The following TXNRD1 variants were observed in gnomAD, a reference collection of about 807,000 sequenced individuals.
TXNRD1 encodes thioredoxin reductase 1, cytoplasmic.
A neutral mutation model predicts 80.3 loss-of-function variants in TXNRD1; 57 were observed. The observed-to-expected ratio is 0.71, with a 90% confidence interval of 0.57 to 0.89. The LOEUF (loss-of-function observed/expected upper bound fraction) is 0.89, where lower values mean the gene tolerates loss of function less well. TXNRD1 is among the 40% of genes least tolerant of loss of function. The probability of loss-of-function intolerance (pLI) is 0.00; values close to 1 mark genes in which losing one functional copy is unlikely to be tolerated. For synonymous variants in TXNRD1, 291 were observed against 285.2 expected, an observed-to-expected ratio of 1.02 and a Z score of -0.20; for missense variants, 730 against 803.0, an observed-to-expected ratio of 0.91 and a Z score of 1.10.
At chr12:104,322,739 T>C (rs1209044861) in intron 10 of TXNRD1, among the ~76,000 whole-genome samples, 1 of 152,176 alleles carries the variant, frequency 6.6e-6, no homozygotes, top group African/African-American at 2.4e-5. Flanking sequence ...CTATGATTCA[T>C]AAACAACAGT....
At position 104,331,592 on chromosome 12, in the gene TXNRD1, GC is replaced by G; in HGVS notation, c.1603del (p.Leu535PhefsTer41). The stretch of plus-strand genomic sequence containing the variant: ...ACTCCTTTGGAATATGGTGCTTGTG[GC>G]CTTTCTGAGGAGAAAGCTGTGGAGA... ...VFTPLEYGAC[G>X]LSEEKAVEKF... On this transcript the variant is annotated frameshift_variant, in exon 14 of 17. Transcript: ENST00000525566. LOFTEE classifies it high-confidence loss of function. 1.2e-6 allele frequency: 2 copies of G among 1,612,402 alleles called. No individual in the cohort carries two copies. The highest frequency in any genetic ancestry group is 1.7e-6 in the Non-Finnish European group (2 of 1,179,104).
At chr12:104,279,266 A>T (rs2033826680) in intron 3 of TXNRD1, among the ~76,000 whole-genome samples, 1 of 152,226 alleles carries the variant, frequency 6.6e-6, no homozygotes, top group African/African-American at 2.4e-5. Flanking sequence ...AAATACTCAT[A>T]AAAGTATGAT....
chr12:104,268,791 A>T (rs1164362141), intron 3 of TXNRD1, among the ~76,000 whole-genome samples: 1 of 151,822 alleles, frequency 6.6e-6, no homozygotes, highest in Non-Finnish European at 1.5e-5. Context: ...TGATGGGATT[A>T]CAGTCGTGAG....
At chr12:104,331,916 A>G (rs2035966396) in intron 14 of TXNRD1, among the ~76,000 whole-genome samples, 1 of 151,832 alleles carries the variant, frequency 6.6e-6, no homozygotes, top group Admixed American at 6.6e-5. Context: ...GAACGAGGGC[A>G]TTTTCTTATA....
chr12:104,346,011 C>T (rs1431468854), intron 16 of TXNRD1: 1 of 1,286,992 alleles, frequency 7.8e-7, no homozygotes, highest in African/African-American at 1.5e-5. Context: ...GTCAATTGAC[C>T]CAAGCAGTTT....
Position 104,312,644 on chromosome 12 carries a change from G to T in TXNRD1, c.538-601G>T, listed in dbSNP as rs181565669. Among the ~76,000 whole-genome samples, 139 of 152,242 alleles carry T rather than the reference G, an allele frequency of 9.1e-4. No homozygotes were observed. The Middle Eastern group carries it at 0.017, about 19-fold the overall frequency. On this transcript the variant is annotated intron_variant, in intron 5 of 16. Transcript: ENST00000525566. ...CTCTGAGAATGATAAAAGATATTCT[G>T]CAAAACAAACTTCTAACTCTTGTTT...
chr12:104,278,839 A>C (rs945273973), intron 3 of TXNRD1, among the ~76,000 whole-genome samples: 2 of 152,162 alleles, frequency 1.3e-5, no homozygotes, highest in Admixed American at 6.6e-5. Context: ...CCTTTATAAA[A>C]CTGAGGACCC....
chr12:104,224,329 T>C (rs186583449), intron 1 of TXNRD1, among the ~76,000 whole-genome samples: 1 of 152,268 alleles, frequency 6.6e-6, no homozygotes, highest in East Asian at 1.9e-4. Flanking sequence ...GTAGGACATA[T>C]AGTGTATTGT....
At chr12:104,256,060 T>G (rs1013113719) in intron 2 of TXNRD1, among the ~76,000 whole-genome samples, 3 of 152,234 alleles carry the variant, frequency 2.0e-5, no homozygotes, top group Admixed American at 2.0e-4. Flanking sequence ...TTTATTTATT[T>G]ATTTAAATTA....
chr12:104,309,399 G>A (rs913502104), intron 4 of TXNRD1, among the ~76,000 whole-genome samples: 2 of 152,270 alleles, frequency 1.3e-5, no homozygotes, highest in South Asian at 2.1e-4. Context: ...AGTAAGGAAC[G>A]GATTGTAAAC....
At chr12:104,296,673 G>A (rs762915023) in intron 4 of TXNRD1, among the ~76,000 whole-genome samples, 1 of 152,184 alleles carries the variant, frequency 6.6e-6, no homozygotes, top group African/African-American at 2.4e-5. Context: ...AATATGTATT[G>A]AGTGAATAGA....
intron 4 of TXNRD1, chr12:104,291,196 C>CTTT (rs35069007): frequency 4.0e-4 from 55 of 136,348 alleles, no homozygotes; most frequent in Admixed American, 6.2e-4. Context: ...TACTTTGTGT[C>CTTT]TTTTTTTTTT....
intron 12 of TXNRD1, 29 bp downstream of exon 12, chr12:104,326,452 T>C (rs754346366): frequency 1.5e-6 from 2 of 1,325,774 alleles, no homozygotes; most frequent in Non-Finnish European, 2.0e-6. Flanking sequence ...TTATGTCATA[T>C]TTGTGGGATT....
chr12:104,300,768 G>A (rs1022616257), intron 4 of TXNRD1, among the ~76,000 whole-genome samples: 1 of 151,916 alleles, frequency 6.6e-6, no homozygotes, highest in African/African-American at 2.4e-5. Flanking sequence ...TGCCTCCCAG[G>A]TTGAAGTAGC....
chr12:104,291,192 G>C, intron 4 of TXNRD1: 1 of 257,920 alleles, frequency 3.9e-6, no homozygotes. Context: ...ATTCTACTTT[G>C]TGTCTTTTTT....
intron 3 of TXNRD1, among the ~76,000 whole-genome samples, chr12:104,263,354 C>G (rs935621939): frequency 6.6e-6 from 1 of 152,122 alleles, no homozygotes; most frequent in Non-Finnish European, 1.5e-5. Flanking sequence ...TCTCGTAGAA[C>G]CTTCCATGAC....
chr12:104,339,767 G>C (rs1739510182), intron 16 of TXNRD1, among the ~76,000 whole-genome samples: 1 of 152,204 alleles, frequency 6.6e-6, no homozygotes, highest in African/African-American at 2.4e-5. Flanking sequence ...TCCAAGAGTT[G>C]AATATTGTAA....
At chr12:104,331,768 T>A in intron 14 of TXNRD1, 127 bp downstream of exon 14, 1 of 608,532 alleles carries the variant, frequency 1.6e-6, no homozygotes, top group South Asian at 2.2e-5. Flanking sequence ...GATTCATATA[T>A]TACTAACATT....
intron 7 of TXNRD1, among the ~76,000 whole-genome samples, chr12:104,316,304 T>G (rs2035324867): frequency 3.4e-5 from 5 of 146,442 alleles, no homozygotes; most frequent in Admixed American, 6.8e-5. Context: ...CAGGAGGGGG[T>G]GGTTAGGCTT....
Sources: allele counts gnomAD v4.1 joint callset (sites outside exome capture counted in the v4.1 genomes callset), GRCh38; gene constraint gnomAD v4.1.1; transcripts MANE v1.5; gene names NCBI Gene and HGNC (gene_info 2026-07-23, HGNC 2026-07-21).